The following ABCB11 variants were observed in gnomAD, a reference collection of about 807,000 sequenced individuals.
ABCB11 encodes the protein ATP binding cassette subfamily B member 11, also known as bile salt export pump.
A neutral mutation model predicts 148.0 loss-of-function variants in ABCB11; 95 were observed. The observed-to-expected ratio is 0.64, with a 90% confidence interval of 0.54 to 0.76. The LOEUF is 0.76. Ranked by LOEUF, ABCB11 falls within the 30% of genes least tolerant of loss-of-function variation. The pLI is 0.00. For synonymous variants in ABCB11, 591 were observed against 555.4 expected (o/e 1.06, Z -0.90); for missense variants, 1,523 against 1,617.8 (o/e 0.94, Z 1.01).
chr2:168,973,878 C>A (rs1444691133), intron 12 of ABCB11, 38 bp from the exon 13 acceptor site: 1 of 1,603,534 alleles, frequency 6.2e-7, no homozygotes. Flanking sequence ...CAGATTGTCA[C>A]TGTTTACCAA....
At position 168,930,784 on chromosome 2, in the gene ABCB11, C is replaced by G; in HGVS notation, c.3292G>C (p.Gly1098Arg). The change falls in exon 25 of 28, where the codon GGT (glycine) becomes CGT (arginine). Residue 1098 changes from glycine to arginine, a missense_variant. By Grantham distance (125) the Gly-to-Arg change is moderately radical. Transcript: ENST00000650372. ...PSRPDSQVLN[G>R]LSVSISPGQT... ...CCTGGACTAATCGACACTGAGAGACCATTCAGAACTTGCGAGTCAGGTCGA... is the reference window on the plus strand; with the variant it reads ...CCTGGACTAATCGACACTGAGAGACGATTCAGAACTTGCGAGTCAGGTCGA... 1 of 1,613,664 alleles carries G rather than the reference C, an allele frequency of 6.2e-7. No individual in the cohort carries two copies.
In ABCB11 at chr2:168,991,641, A is replaced by C. The variant is rs1310651810; in HGVS notation, c.784-716T>G. ...AAATATAAAAATATATATAATACCCAGATTAAGGGAGTTTATCTTCCAGTA... is the reference window on the plus strand; with the variant it reads ...AAATATAAAAATATATATAATACCCCGATTAAGGGAGTTTATCTTCCAGTA... On this transcript the variant is annotated intron_variant, in intron 8 of 27. Transcript: ENST00000650372. 3.3e-5 allele frequency among the ~76,000 whole-genome samples: 5 copies of C among 152,078 alleles called. 1 individual carries two copies. The highest frequency in any genetic ancestry group is 7.4e-5 in the Non-Finnish European group (5 of 67,996).
chr2:168,944,392 T>C (rs751433793), intron 21 of ABCB11, among the ~76,000 whole-genome samples: 4 of 152,004 alleles, frequency 2.6e-5, no homozygotes, highest in Non-Finnish European at 5.9e-5. Context: ...CAGATTTTGG[T>C]GCATGCCATA....
At position 168,970,233 on chromosome 2, in the gene ABCB11, C is replaced by T. The variant is rs948085065; in HGVS notation, c.1639-18G>A. 2.5e-6 allele frequency: 4 copies of T among 1,606,830 alleles called. No individual in the cohort carries two copies. The highest frequency in any genetic ancestry group is 3.4e-6 in the Non-Finnish European group (4 of 1,176,176). On this transcript the variant is annotated intron_variant, in intron 14 of 27. Transcript: ENST00000650372. ...TCAAATTGCTAGATGGAAGGTGACA[C>T]CAGTCATGAAGGGAAAAGAATTTGA...
intron 25 of ABCB11, among the ~76,000 whole-genome samples, chr2:168,930,320 C>T (rs1691509535): frequency 6.6e-6 from 1 of 152,152 alleles, no homozygotes; most frequent in African/African-American, 2.4e-5. Context: ...TCTACTTTTT[C>T]CATTCCTGGT....
chr2:169,010,452 G>C (rs913472462), intron 5 of ABCB11, among the ~76,000 whole-genome samples: 2 of 152,030 alleles, frequency 1.3e-5, no homozygotes, highest in Admixed American at 1.3e-4. Context: ...GATTACAATT[G>C]ACATGTGGAA....
rs760723870 is a variant in ABCB11, at chr2:168,923,590, G to A, written c.*32C>T. 6.2e-6 allele frequency: 10 copies of A among 1,604,044 alleles called. No homozygotes were observed. The highest frequency in any genetic ancestry group is 8.5e-6 in the Non-Finnish European group (10 of 1,171,100). On this transcript the variant is annotated 3_prime_UTR_variant, in exon 28 of 28. Transcript: ENST00000650372. ...TTTAAAAACAACCCCTGTAACTGGT[G>A]CGTCATGTGTGTCTGAGATTCTTGC...
intron 24 of ABCB11, among the ~76,000 whole-genome samples, chr2:168,931,966 C>T (rs192637532): frequency 1.3e-4 from 20 of 152,256 alleles, no homozygotes; most frequent in South Asian, 1.2e-3. Flanking sequence ...CACACACATA[C>T]GCACAACCTT....
In ABCB11 at chr2:168,986,111, T is replaced by C. The variant is rs1694309901; in HGVS notation, c.1082A>G (p.Gln361Arg). The C allele has an allele frequency of 1.9e-6, 3 of 1,598,140 alleles. No homozygotes were observed. Among genetic ancestry groups the C allele is most frequent in the Admixed American group, 1.7e-5 (1 of 58,090 alleles). ...TCTCGGTCAATAAGTCCAAGGTACCTGGACAAGGGTTCCTGGTGTATATTC... is the reference window on the plus strand; with the variant it reads ...TCTCGGTCAATAAGTCCAAGGTACCCGGACAAGGGTTCCTGGTGTATATTC... Reference protein sequence around the residue: ...EGEYTPGTLVQIFLSVIVGAL... With the variant: ...EGEYTPGTLVRIFLSVIVGAL... The change falls in exon 10 of 28, where the codon CAG becomes CGG. Residue 361 changes from glutamine (Q) to arginine (R), a missense_variant and splice_region_variant. Transcript: ENST00000650372.
chr2:168,952,716 G>T (rs1313013265), intron 19 of ABCB11, among the ~76,000 whole-genome samples: 3 of 119,396 alleles, frequency 2.5e-5, no homozygotes, highest in South Asian at 2.7e-4. Flanking sequence ...GTATAGTTCT[G>T]CTCTGGTCTT....
chr2:168,970,003 T>A, intron 15 of ABCB11, 42 bp downstream of exon 15: 2 of 1,238,646 alleles, frequency 1.6e-6, no homozygotes, highest in South Asian at 2.4e-5. Flanking sequence ...AGCACAAGCA[T>A]TTCCACATGG....
intron 3 of ABCB11, among the ~76,000 whole-genome samples, chr2:169,016,295 T>C (rs369178705): frequency 1.3e-5 from 2 of 152,196 alleles, no homozygotes; most frequent in East Asian, 3.9e-4. Context: ...TTCAGGAACT[T>C]ACCTGATGCC....
In ABCB11 at chr2:168,959,520, T is replaced by C. The variant is rs80274879; in HGVS notation, c.2179-1392A>G. Among the ~76,000 whole-genome samples the C allele has an allele frequency of 2.8e-3, 421 of 151,760 alleles. 1 individual carries two copies. Among genetic ancestry groups the C allele is most frequent in the Non-Finnish European group, 2.6e-3 (177 of 67,732 alleles). ...TATTTCATCCTTAAAACGAGAGACT[T>C]GGACTAAGTAATTCTGGGGAAACAA... On this transcript the variant is annotated intron_variant, in intron 18 of 27. Transcript: ENST00000650372.
At chr2:168,959,285 C>T (rs981204921) in intron 18 of ABCB11, among the ~76,000 whole-genome samples, 1 of 151,740 alleles carries the variant, frequency 6.6e-6, no homozygotes, top group Non-Finnish European at 1.5e-5. Flanking sequence ...TGTACTTTGT[C>T]ATTACTGCTC....
chr2:168,970,251 G>A, intron 14 of ABCB11, 36 bp from the exon 15 acceptor site: 1 of 1,594,504 alleles, frequency 6.3e-7, no homozygotes, highest in East Asian at 2.3e-5. Context: ...GAAGGGAAAA[G>A]AATTTGATGG....
chr2:168,964,265 C>A lies in ABCB11; in HGVS notation c.2119G>T (p.Val707Leu). The A allele has an allele frequency of 6.4e-7, 1 of 1,571,322 alleles. No individual in the cohort carries two copies. The highest frequency in any genetic ancestry group is 1.2e-5 in the South Asian group (1 of 85,606). Residue 707 changes from valine (V) to leucine (L), a missense_variant, in exon 18 of 28, where the codon GTG becomes TTG. Transcript: ENST00000650372. ...ACAACAGCTAATGGAGGTTCGTGCA[C>A]CAGGTAAGAAAGCTGAGACTTGGAG... ...QRSKSQLSYL[V>L]HEPPLAVVDH... is the part of the protein sequence containing the mutation.
downstream of ABCB11, among the ~76,000 whole-genome samples, chr2:168,917,266 G>C (rs1690959554): frequency 6.6e-6 from 1 of 151,612 alleles, no homozygotes. Flanking sequence ...TCTAATATAT[G>C]GGCATCTCTT....
At chr2:168,983,178 C>A (rs1362502320) in intron 10 of ABCB11, among the ~76,000 whole-genome samples, 1 of 152,062 alleles carries the variant, frequency 6.6e-6, no homozygotes, top group Non-Finnish European at 1.5e-5. Context: ...TCCCTCTGAA[C>A]CATTATTATT....
At chr2:168,915,554 A>C (rs1435352781) in exon 3 of ABCB11, among the ~76,000 whole-genome samples, 2 of 152,254 alleles carry the variant, frequency 1.3e-5, no homozygotes, top group Non-Finnish European at 2.9e-5. Context: ...CTTCTGTAAC[A>C]AGATGGGTGA....
Sources: allele counts gnomAD v4.1 joint callset (sites outside exome capture counted in the v4.1 genomes callset), GRCh38; gene constraint gnomAD v4.1.1; transcripts MANE v1.5; gene names NCBI Gene and HGNC (gene_info 2026-07-23, HGNC 2026-07-21).